LUZP1: variants seen among roughly 807,000 people sequenced by gnomAD.
LUZP1 encodes leucine zipper protein 1, also known as filamin mechanobinding actin cross-linking protein.
Under a neutral mutation model 71.3 loss-of-function variants are expected in LUZP1, and 25 were observed. The ratio of observed to expected loss-of-function variants is 0.35; its 90% CI spans 0.26 to 0.49. LUZP1 has a LOEUF of 0.49. Among genes scored for constraint, LUZP1 ranks in the 20% least tolerant of loss-of-function variants. The pLI, the probability that LUZP1 is intolerant of heterozygous loss-of-function variation, is 0.99. For missense variants in LUZP1, 1,142 were observed against 1,300.8 expected, an observed-to-expected ratio of 0.88 and a Z score of 1.88; for synonymous variants, 481 against 506.4, an observed-to-expected ratio of 0.95 and a Z score of 0.67.
At chr1:23,162,129 C>A (rs1644472013) in intron 2 of LUZP1, among the ~76,000 whole-genome samples, 1 of 150,566 alleles carries the variant, frequency 6.6e-6, no homozygotes, top group Non-Finnish European at 1.5e-5. Flanking sequence ...ATAAAAGGAG[C>A]CAGACCACAA....
chr1:23,117,476 TCCC>T (rs370868213), intron 2 of LUZP1, among the ~76,000 whole-genome samples: 9 of 39,680 alleles, frequency 2.3e-4, no homozygotes, highest in Admixed American at 8.5e-4. Flanking sequence ...TCTCTCTCTC[TCCC>T]CCCCCCCCCC....
chr1:23,166,640 G>C (rs2148215874), intron 2 of LUZP1, among the ~76,000 whole-genome samples: 1 of 111,612 alleles, frequency 9.0e-6, no homozygotes. Context: ...GGGTGACACA[G>C]AGCACTCCGT....
At chr1:23,146,158 G>A (rs1245078932) in intron 2 of LUZP1, among the ~76,000 whole-genome samples, 3 of 152,076 alleles carry the variant, frequency 2.0e-5, no homozygotes, top group Non-Finnish European at 4.4e-5. Context: ...AGCTTCTCGA[G>A]TAGCTGGGAC....
At chr1:23,136,597 C>A (rs551772646) in intron 2 of LUZP1, among the ~76,000 whole-genome samples, 1 of 151,634 alleles carries the variant, frequency 6.6e-6, no homozygotes, top group African/African-American at 2.4e-5. Context: ...TCTCTGGCCG[C>A]GACAATGACA....
intron 2 of LUZP1, among the ~76,000 whole-genome samples, chr1:23,146,698 A>G (rs1481872194): frequency 2.6e-5 from 4 of 152,144 alleles, no homozygotes; most frequent in Non-Finnish European, 5.9e-5. Context: ...TGGGCGGTAG[A>G]GGTGGCAGGA....
chr1:23,130,617 G>A (rs1437669891), intron 2 of LUZP1, among the ~76,000 whole-genome samples: 1 of 147,088 alleles, frequency 6.8e-6, no homozygotes, highest in Non-Finnish European at 1.5e-5. Context: ...TCCCACCTCA[G>A]CCTGGCAAAG....
chr1:23,125,320 T>C (rs72877251), intron 2 of LUZP1, among the ~76,000 whole-genome samples: 1,948 of 152,324 alleles, frequency 0.013, 56 homozygotes, highest in African/African-American at 0.044. Flanking sequence ...AGCTGGACCA[T>C]CTGCAGATGG....
intron 2 of LUZP1, among the ~76,000 whole-genome samples, chr1:23,143,752 G>C (rs1644322856): frequency 6.6e-6 from 1 of 152,178 alleles, no homozygotes; most frequent in Non-Finnish European, 1.5e-5. Context: ...CATTCTGTTA[G>C]GTGTTACAAA....
At chr1:23,146,295 C>T (rs994031727) in intron 2 of LUZP1, among the ~76,000 whole-genome samples, 3 of 152,160 alleles carry the variant, frequency 2.0e-5, no homozygotes, top group Non-Finnish European at 4.4e-5. Flanking sequence ...GGATTACAGG[C>T]GTGAGCCACC....
chr1:23,116,110 G>A (rs1644076082), intron 2 of LUZP1, among the ~76,000 whole-genome samples: 1 of 152,156 alleles, frequency 6.6e-6, no homozygotes, highest in Non-Finnish European at 1.5e-5. Flanking sequence ...GCCAGGTGCA[G>A]TGACTCACGC....
chr1:23,092,892 G>C, exon 4 of LUZP1: 1 of 1,613,626 alleles, frequency 6.2e-7, no homozygotes, highest in Non-Finnish European at 8.5e-7. Context: ...GGAGGAGCCG[G>C]GTACAAACCG....
At chr1:23,146,375 A>G (rs908833814) in intron 2 of LUZP1, among the ~76,000 whole-genome samples, 14 of 152,224 alleles carry the variant, frequency 9.2e-5, no homozygotes, top group African/African-American at 3.1e-4. Context: ...TTTATGCGGA[A>G]CATAGGCTCT....
chr1:23,091,858 C>T (rs187986579), exon 4 of LUZP1: 1 of 1,614,178 alleles, frequency 6.2e-7, no homozygotes, highest in African/African-American at 1.3e-5. Flanking sequence ...CTGCTGCTGT[C>T]AGATGGATAT....
exon 4 of LUZP1, chr1:23,092,937 T>C: frequency 1.9e-6 from 3 of 1,614,146 alleles, no homozygotes; most frequent in Non-Finnish European, 2.5e-6. Flanking sequence ...AGTCCCACTG[T>C]CTGTACTCAC....
chr1:23,104,091 G>A (rs1338988978), intron 3 of LUZP1, among the ~76,000 whole-genome samples: 1 of 152,040 alleles, frequency 6.6e-6, no homozygotes, highest in Admixed American at 6.6e-5. Flanking sequence ...GAGGCTGAGG[G>A]TGTACTGTTT....
At position 23,090,976 on chromosome 1, in the gene LUZP1, A is replaced by G; in HGVS notation, c.3072+214T>C. On this transcript the variant is annotated intron_variant, in intron 4 of 4. Coordinates refer to ENST00000302291, the Ensembl canonical transcript of LUZP1. Reference sequence around the variant, plus strand: ...TACGAGAGCAAAATGAAGACAACAAATTGGAAAAGGGATTTTGGAAAGTGA... The same window carrying G: ...TACGAGAGCAAAATGAAGACAACAAGTTGGAAAAGGGATTTTGGAAAGTGA... 4.2e-6 allele frequency: 3 copies of G among 720,136 alleles called. No homozygotes were observed. The South Asian group carries it at 4.4e-5, about 11-fold the overall frequency. The allele number at this position is 720,136 out of a possible 1,614,324, so 44.6% of individuals were successfully genotyped here.
chr1:23,103,422 A>G (rs749554781), intron 3 of LUZP1, among the ~76,000 whole-genome samples: 2 of 152,172 alleles, frequency 1.3e-5, no homozygotes, highest in African/African-American at 2.4e-5. Context: ...AGAGTGAGGG[A>G]CCCAGCTAGC....
At chr1:23,171,666 C>T (rs991119564) in intron 1 of LUZP1, among the ~76,000 whole-genome samples, 3 of 152,164 alleles carry the variant, frequency 2.0e-5, no homozygotes, top group Admixed American at 6.5e-5. Flanking sequence ...ATGCCTGGCC[C>T]GGTCTTCAAA....
In LUZP1 at chr1:23,171,095, A is replaced by T. The variant is rs919084204; in HGVS notation, c.-484-2071T>A. On this transcript the variant is annotated intron_variant, in intron 1 of 4. Transcript: ENST00000302291. Reference sequence around the variant, plus strand: ...CAGATCGAGACCCTGTCTCAAAAAAAAAAAATATATATATATATATATAAT... The same window carrying T: ...CAGATCGAGACCCTGTCTCAAAAAATAAAAATATATATATATATATATAAT... 6.5e-3 allele frequency among the ~76,000 whole-genome samples: 913 copies of T among 140,562 alleles called. 7 individuals are homozygous for T. The highest frequency in any genetic ancestry group is 9.2e-3 in the Non-Finnish European group (611 of 66,444). The allele number at this position is 140,562 out of a possible 152,430, so 92.2% of individuals were successfully genotyped here.
Sources: allele counts gnomAD v4.1 joint callset (sites outside exome capture counted in the v4.1 genomes callset), GRCh38; gene constraint gnomAD v4.1.1; transcripts MANE v1.5; gene names NCBI Gene and HGNC (gene_info 2026-07-23, HGNC 2026-07-21).